Variants in SDCCAG8 observed in about 807,000 individuals in gnomAD.
The protein encoded by SDCCAG8 is SHH signaling and ciliogenesis regulator SDCCAG8, also known as serologically defined colon cancer antigen 8.
A neutral mutation model predicts 101.8 loss-of-function variants in SDCCAG8; 74 were observed. That is an observed-to-expected ratio of 0.73 (90% CI 0.60 to 0.88). The LOEUF is 0.88. SDCCAG8 is among the 40% of genes least tolerant of loss of function. The pLI is 0.00. For synonymous variants in SDCCAG8, 281 were observed against 292.9 expected, an observed-to-expected ratio of 0.96 and a Z score of 0.41; for missense variants, 787 against 822.6, an observed-to-expected ratio of 0.96 and a Z score of 0.53.
At chr1:243,293,563 T>C (rs1436453548) in intron 6 of SDCCAG8, 6 of 456,136 alleles carry the variant, frequency 1.3e-5, no homozygotes, top group Non-Finnish European at 1.7e-5. Flanking sequence ...TCCTTTTGTG[T>C]CTGGCTTATT....
At chr1:243,442,464 G>A (rs2082604602) in intron 16 of SDCCAG8, among the ~76,000 whole-genome samples, 1 of 152,146 alleles carries the variant, frequency 6.6e-6, no homozygotes, top group South Asian at 2.1e-4. Context: ...CAACCTCCTG[G>A]TGTGGCCTTC....
chr1:243,466,934 A>C (rs192260283), intron 16 of SDCCAG8, among the ~76,000 whole-genome samples: 227 of 152,304 alleles, frequency 1.5e-3, no homozygotes, highest in Non-Finnish European at 2.4e-3. Flanking sequence ...ACCAGGTCTC[A>C]CTCTGGGTGG....
chr1:243,340,361 GTC>G (rs1327839356), intron 10 of SDCCAG8, among the ~76,000 whole-genome samples: 1 of 152,216 alleles, frequency 6.6e-6, no homozygotes, highest in Non-Finnish European at 1.5e-5. Flanking sequence ...AGGCATGACT[GTC>G]TCAGTGCACA....
intron 12 of SDCCAG8, among the ~76,000 whole-genome samples, chr1:243,353,789 G>A (rs547643381): frequency 7.2e-5 from 11 of 152,288 alleles, no homozygotes; most frequent in African/African-American, 2.6e-4. Flanking sequence ...ATGCCCTGCA[G>A]TCAGGCACAG....
In SDCCAG8 at chr1:243,274,608, C is replaced by T. The variant is rs758361203; in HGVS notation, c.372C>T (p.Asp124=). The T allele has an allele frequency of 4.3e-6, 7 of 1,611,598 alleles. No individual in the cohort carries two copies. The highest frequency in any genetic ancestry group is 5.9e-6 in the Non-Finnish European group (7 of 1,178,204). The change falls in exon 4 of 18, where the codon GAC becomes GAT. Residue 124 remains aspartate (D), a synonymous_variant. Transcript: ENST00000366541. The part of the protein sequence containing the change: ...TMHDLVHTIN[D]QSQYIHHLEA... ...ACGACCTTGTTCATACTATTAATGA[C>T]CAGTCTCAATATATTCATCATTTAG... is the stretch of plus-strand genomic sequence containing the variant.
chr1:243,342,877 G>C (rs1254846774), intron 11 of SDCCAG8, among the ~76,000 whole-genome samples: 4 of 152,152 alleles, frequency 2.6e-5, no homozygotes, highest in Non-Finnish European at 5.9e-5. Context: ...GGAGAAGCCT[G>C]TTGACTTTTT....
At chr1:243,319,303 C>T (rs1425692978) in intron 9 of SDCCAG8, among the ~76,000 whole-genome samples, 3 of 152,198 alleles carry the variant, frequency 2.0e-5, no homozygotes, top group Non-Finnish European at 1.5e-5. Context: ...AGTGTTGTCT[C>T]TCTCCTCCCT....
chr1:243,285,870 C>G (rs946480674), intron 4 of SDCCAG8, among the ~76,000 whole-genome samples: 1 of 152,170 alleles, frequency 6.6e-6, no homozygotes, highest in Non-Finnish European at 1.5e-5. Context: ...CTCAGAGCCT[C>G]CCTCTATTTA....
chr1:243,456,586 A>G (rs1335743623), intron 16 of SDCCAG8, among the ~76,000 whole-genome samples: 1 of 152,154 alleles, frequency 6.6e-6, no homozygotes, highest in Non-Finnish European at 1.5e-5. Flanking sequence ...TACATCAAGA[A>G]AGCTAGATTT....
At chr1:243,481,061 TG>T (rs1315699995) in intron 16 of SDCCAG8, among the ~76,000 whole-genome samples, 1 of 151,936 alleles carries the variant, frequency 6.6e-6, no homozygotes, top group East Asian at 1.9e-4. Flanking sequence ...GTGGTGAGTT[TG>T]AGGTGGGCTT....
chr1:243,324,459 CTTTTTTTT>C (rs34446782), intron 9 of SDCCAG8, among the ~76,000 whole-genome samples: 2 of 87,018 alleles, frequency 2.3e-5, no homozygotes, highest in Non-Finnish European at 4.1e-5. Flanking sequence ...TCTTCACATG[CTTTTTTTT>C]TTTTTTTTTT....
chr1:243,474,565 C>T lies in SDCCAG8; in HGVS notation c.1986-14449C>T, dbSNP rs1179192251. On this transcript the variant is annotated intron_variant, in intron 16 of 17. Coordinates refer to ENST00000366541, the MANE Select transcript of SDCCAG8 (RefSeq NM_006642.5). This position sits in a 1 kb window ranked among gnomAD's most constrained non-coding sequence, Gnocchi z 4.7. ...AGCGCTGAGACCTGGCCGCCTAGGC[C>T]ACCCTGCCCGGCGAGGGAGAGGGGT... Among the ~76,000 whole-genome samples the T allele has an allele frequency of 6.6e-6, 1 of 152,216 alleles. No individual in the cohort carries two copies. The highest frequency in any genetic ancestry group is 2.4e-5 in the African/African-American group (1 of 41,458).
intron 12 of SDCCAG8, among the ~76,000 whole-genome samples, chr1:243,350,688 A>T (rs2076035255): frequency 6.6e-6 from 1 of 152,252 alleles, no homozygotes; most frequent in Non-Finnish European, 1.5e-5. Flanking sequence ...TATGGACAGA[A>T]CAAGAACAAA....
intron 13 of SDCCAG8, among the ~76,000 whole-genome samples, chr1:243,392,674 G>T (rs2078772217): frequency 6.6e-6 from 1 of 152,180 alleles, no homozygotes; most frequent in Non-Finnish European, 1.5e-5. Flanking sequence ...AAACTGATTT[G>T]CACAAAGAAT....
At chr1:243,271,135 G>T in intron 3 of SDCCAG8, 72 bp downstream of exon 3, 1 of 1,103,530 alleles carries the variant, frequency 9.1e-7, no homozygotes, top group African/African-American at 1.5e-5. Flanking sequence ...TGTAGTACAT[G>T]TTGCAGAAAA....
At position 243,270,994 on chromosome 1, in the gene SDCCAG8, T is replaced by A. The variant is rs146474568; in HGVS notation, c.237T>A (p.Asp79Glu). Residue 79 changes from aspartate to glutamate, a missense_variant, in exon 3 of 18, where the codon GAT becomes GAA. Coordinates refer to ENST00000366541, the MANE Select transcript of SDCCAG8 (RefSeq NM_006642.5). ...GCTCTATAGTTAATCAGCTCAAAGATTTGTTGCGCCAACAAGCAGATAAGG... is the reference window on the plus strand; with the variant it reads ...GCTCTATAGTTAATCAGCTCAAAGAATTGTTGCGCCAACAAGCAGATAAGG... ...QQSHAVNQLK[D>E]LLRQQADKES... is the part of the protein sequence containing the mutation. 7.5e-4 allele frequency: 1,212 copies of A among 1,613,358 alleles called. No homozygotes were observed. The highest frequency in any genetic ancestry group is 9.0e-4 in the Non-Finnish European group (1,063 of 1,179,480).
chr1:243,499,887 A>C lies in SDCCAG8; in HGVS notation c.*102A>C. ...AACGCACCACGACCTTCCCAGGGTG[A>C]CACCGCCTCAGCCTGCAGTGGGGCT... On this transcript the variant is annotated 3_prime_UTR_variant, in exon 18 of 18. Transcript: ENST00000366541. 1 of 1,134,574 alleles carries C rather than the reference A, an allele frequency of 8.8e-7. No individual in the cohort carries two copies. Among genetic ancestry groups the C allele is most frequent in the Non-Finnish European group, 1.3e-6 (1 of 763,688 alleles). The allele number at this position is 1,134,574 out of a possible 1,614,324, so 70.3% of individuals were successfully genotyped here. A position where few individuals can be genotyped will look rare whatever the true frequency, so the allele number is the denominator to read the frequency against.
At chr1:243,323,225 C>A (rs1284708890) in intron 9 of SDCCAG8, among the ~76,000 whole-genome samples, 2 of 151,994 alleles carry the variant, frequency 1.3e-5, no homozygotes, top group Non-Finnish European at 1.5e-5. Context: ...ATTCTTTTCT[C>A]TGCAGTTGAA....
intron 13 of SDCCAG8, among the ~76,000 whole-genome samples, chr1:243,411,390 T>C (rs906128554): frequency 2.6e-5 from 4 of 152,196 alleles, no homozygotes; most frequent in Admixed American, 6.5e-5. Flanking sequence ...GTGCTGGGAT[T>C]ACAGGTGTAA....
Sources: allele counts gnomAD v4.1 joint callset (sites outside exome capture counted in the v4.1 genomes callset), GRCh38; gene constraint gnomAD v4.1.1; non-coding constraint Gnocchi (gnomAD v3.1); transcripts MANE v1.5; gene names NCBI Gene and HGNC (gene_info 2026-07-23, HGNC 2026-07-21).